The following MSH3 variants were observed in gnomAD, a reference collection of about 807,000 sequenced individuals.
MSH3 encodes mutS homolog 3, also known as DNA mismatch repair protein Msh3.
Under a neutral mutation model 123.3 loss-of-function variants are expected in MSH3, and 106 were observed. That is an observed-to-expected ratio of 0.86 (90% CI 0.73 to 1.01). The LOEUF (loss-of-function observed/expected upper bound fraction) is 1.01. Among genes scored for constraint, MSH3 ranks in the 50% least tolerant of loss-of-function variants. MSH3 has a pLI of 0.00. For missense variants in MSH3, 1,459 were observed against 1,347.6 expected (o/e 1.08, Z -1.29); for synonymous variants, 515 against 481.4 (o/e 1.07, Z -0.91).
intron 5 of MSH3, 49 bp from the exon 6 acceptor site, chr5:80,672,691 AC>A (rs1184169928): frequency 7.0e-7 from 1 of 1,435,706 alleles, no homozygotes; most frequent in Non-Finnish European, 9.8e-7. Context: ...ATGAGTTTTT[AC>A]AAGTCATTTT....
At chr5:80,662,435 C>A (rs917336764) in intron 2 of MSH3, among the ~76,000 whole-genome samples, 1 of 151,986 alleles carries the variant, frequency 6.6e-6, no homozygotes, top group Admixed American at 6.6e-5. Flanking sequence ...GTAGCATCTG[C>A]CAGACATAAG....
chr5:80,701,014 A>G (rs1750596684), intron 8 of MSH3, among the ~76,000 whole-genome samples: 1 of 152,198 alleles, frequency 6.6e-6, no homozygotes, highest in South Asian at 2.1e-4. Flanking sequence ...TTAATTGCAT[A>G]AAGACTCTTT....
intron 20 of MSH3, among the ~76,000 whole-genome samples, chr5:80,838,605 T>G (rs1745559923): frequency 6.6e-6 from 1 of 152,226 alleles, no homozygotes; most frequent in African/African-American, 2.4e-5. Context: ...GTAAACTTAA[T>G]CTAATGGACT....
intron 17 of MSH3, among the ~76,000 whole-genome samples, chr5:80,785,984 A>C (rs1230562625): frequency 9.7e-5 from 11 of 113,670 alleles, no homozygotes; most frequent in East Asian, 5.2e-4. Context: ...CACTCTGGGG[A>C]CTGTTGTGGG....
chr5:80,864,605 CTG>C (rs1158804961), intron 21 of MSH3, among the ~76,000 whole-genome samples: 3 of 152,016 alleles, frequency 2.0e-5, no homozygotes, highest in African/African-American at 4.8e-5. Context: ...GAAAAAATGT[CTG>C]TGTCTGTGGA....
chr5:80,862,866 G>A (rs921703509), intron 21 of MSH3, among the ~76,000 whole-genome samples: 3 of 152,100 alleles, frequency 2.0e-5, no homozygotes, highest in African/African-American at 7.2e-5. Context: ...GAATACCAAC[G>A]AATAAATGTA....
chr5:80,794,899 T>C (rs1197751742), intron 19 of MSH3, among the ~76,000 whole-genome samples: 1 of 152,152 alleles, frequency 6.6e-6, no homozygotes, highest in Non-Finnish European at 1.5e-5. Context: ...AGGTACATGG[T>C]CCATGGTTGG....
chr5:80,711,345 G>T (rs540972708), intron 8 of MSH3, among the ~76,000 whole-genome samples: 1 of 152,332 alleles, frequency 6.6e-6, no homozygotes, highest in Non-Finnish European at 1.5e-5. Context: ...AGAAGCGTGG[G>T]CCCTACATCT....
chr5:80,850,677 C>A (rs1361116612), intron 20 of MSH3, among the ~76,000 whole-genome samples: 2 of 152,210 alleles, frequency 1.3e-5, no homozygotes, highest in African/African-American at 4.8e-5. Context: ...CTCACCAGGT[C>A]CCTCCCACAA....
intron 10 of MSH3, among the ~76,000 whole-genome samples, chr5:80,734,865 G>A (rs1743476003): frequency 6.6e-6 from 1 of 152,118 alleles, no homozygotes; most frequent in African/African-American, 2.4e-5. Flanking sequence ...TACCTCATTT[G>A]TTTTTCCTCT....
chr5:80,781,567 A>G (rs1407024876), intron 17 of MSH3, among the ~76,000 whole-genome samples: 3 of 151,534 alleles, frequency 2.0e-5, no homozygotes, highest in Non-Finnish European at 4.4e-5. Flanking sequence ...TCCCCAGCTC[A>G]AGCAATCCTT....
At chr5:80,699,558 C>CAAAA (rs55795731) in intron 8 of MSH3, among the ~76,000 whole-genome samples, 2 of 78,522 alleles carry the variant, frequency 2.5e-5, no homozygotes, top group African/African-American at 5.1e-5. Context: ...ACACTGTCTC[C>CAAAA]AAAAAAAAAA....
rs1272631581 is a variant in MSH3, at chr5:80,813,653, G to A, written c.2725G>A (p.Val909Ile). The A allele has an allele frequency of 6.2e-7, 1 of 1,614,002 alleles. No individual in the cohort carries two copies. The highest frequency in any genetic ancestry group is 1.3e-5 in the African/African-American group (1 of 74,926). Residue 909 changes from valine to isoleucine, a missense_variant, in exon 20 of 24, where the codon GTT becomes ATT. By Grantham distance (29) the Val-to-Ile change is conservative. Coordinates refer to ENST00000265081, the MANE Select transcript of MSH3 (RefSeq NM_002439.5). ...TGGAAAGAGCTCCTACATAAAACAAGTTGCATTGATTACCATCATGGCTCA... is the reference window on the plus strand; with the variant it reads ...TGGAAAGAGCTCCTACATAAAACAAATTGCATTGATTACCATCATGGCTCA... ...MGGKSSYIKQ[V>I]ALITIMAQIG...
intron 20 of MSH3, among the ~76,000 whole-genome samples, chr5:80,836,947 G>A (rs942982549): frequency 6.6e-6 from 1 of 152,110 alleles, no homozygotes; most frequent in East Asian, 1.9e-4. Context: ...TTTTTCAAAA[G>A]TACATGCCGT....
rs6151612 is a variant in MSH3, at chr5:80,665,469, G to C, written c.579+106G>C. 219,805 of 844,764 alleles carry C rather than the reference G, an allele frequency of 0.26. 31,026 individuals are homozygous for C. The highest frequency in any genetic ancestry group is 0.4 in the Middle Eastern group (1,167 of 2,928). 52.3% of individuals were successfully genotyped at this position (844,764 alleles called of 1,614,324 possible). A position where few individuals can be genotyped will look rare whatever the true frequency, so the allele number is the denominator to read the frequency against. ...ATGGCAATGGTTCCTAAACTTGGATGGTCTTCTGAATCATCTGAGGGAGCT... is the reference window on the plus strand; with the variant it reads ...ATGGCAATGGTTCCTAAACTTGGATCGTCTTCTGAATCATCTGAGGGAGCT... On this transcript the variant is annotated intron_variant, in intron 3 of 23. Coordinates refer to ENST00000265081, the MANE Select transcript of MSH3 (RefSeq NM_002439.5).
At chr5:80,753,274 C>T (rs547075586) in intron 12 of MSH3, among the ~76,000 whole-genome samples, 1 of 152,184 alleles carries the variant, frequency 6.6e-6, no homozygotes, top group African/African-American at 2.4e-5. Context: ...CCAGGGATGG[C>T]AGGGGGAAGG....
chr5:80,829,934 T>A (rs2112077094), intron 20 of MSH3, among the ~76,000 whole-genome samples: 1 of 152,320 alleles, frequency 6.6e-6, no homozygotes, highest in South Asian at 2.1e-4. Flanking sequence ...ATTCAGATTG[T>A]CCCTGTCTTT....
intron 3 of MSH3, among the ~76,000 whole-genome samples, chr5:80,668,542 G>C (rs1749622833): frequency 6.6e-6 from 1 of 152,192 alleles, no homozygotes; most frequent in Non-Finnish European, 1.5e-5. Context: ...TGGCATGTTA[G>C]CACTGCCCTG....
intron 15 of MSH3, among the ~76,000 whole-genome samples, chr5:80,772,680 T>C (rs1224069128): frequency 1.3e-5 from 2 of 152,232 alleles, no homozygotes; most frequent in African/African-American, 2.4e-5. Flanking sequence ...TAGTTTTCTT[T>C]TCTTTAGTAA....
Sources: allele counts gnomAD v4.1 joint callset (sites outside exome capture counted in the v4.1 genomes callset), GRCh38; gene constraint gnomAD v4.1.1; transcripts MANE v1.5; gene names NCBI Gene and HGNC (gene_info 2026-07-23, HGNC 2026-07-21).